The following MYOZ2 variants were observed in gnomAD, a reference collection of about 807,000 sequenced individuals.
MYOZ2 encodes myozenin-2.
MYOZ2 carries 19 observed loss-of-function variants against 25.4 expected under a neutral mutation model. The ratio of observed to expected loss-of-function variants is 0.75; its 90% CI spans 0.52 to 1.10. MYOZ2 has a LOEUF of 1.10. Among genes scored for constraint, MYOZ2 ranks in the 50% least tolerant of loss-of-function variants. The pLI, the probability that MYOZ2 is intolerant of heterozygous loss-of-function variation, is 0.00. For synonymous variants in MYOZ2, 92 were observed against 106.9 expected (o/e 0.86, Z 0.86); for missense variants, 270 against 317.9 (o/e 0.85, Z 1.15).
intron 3 of MYOZ2, among the ~76,000 whole-genome samples, chr4:119,155,903 A>T (rs971429830): frequency 6.6e-6 from 1 of 152,160 alleles, no homozygotes; most frequent in African/African-American, 2.4e-5. Flanking sequence ...AAAAAATGTC[A>T]TAGTGAAAAA....
intron 3 of MYOZ2, among the ~76,000 whole-genome samples, chr4:119,154,752 A>T (rs1741532076): frequency 1.3e-5 from 2 of 152,184 alleles, no homozygotes; most frequent in Admixed American, 1.3e-4. Context: ...TTTTTAAAGA[A>T]TTAGTATAGG....
At chr4:119,139,580 A>C (rs1741115275) in intron 2 of MYOZ2, among the ~76,000 whole-genome samples, 1 of 152,190 alleles carries the variant, frequency 6.6e-6, no homozygotes. Flanking sequence ...AAAGGATAAA[A>C]GGATAGGAAG....
chr4:119,168,683 AAACAACAACAACAAC>A (rs150292392), intron 5 of MYOZ2, among the ~76,000 whole-genome samples: 1 of 150,828 alleles, frequency 6.6e-6, no homozygotes, highest in South Asian at 2.1e-4. Flanking sequence ...AACAACAACA[AAACAACAACAACAAC>A]AACAACAACA....
intron 3 of MYOZ2, among the ~76,000 whole-genome samples, chr4:119,151,507 A>G (rs1450414091): frequency 6.6e-6 from 1 of 152,166 alleles, no homozygotes; most frequent in South Asian, 2.1e-4. Context: ...TTTATTCCAC[A>G]TTGTGTAGGG....
intron 3 of MYOZ2, among the ~76,000 whole-genome samples, chr4:119,156,154 G>A (rs1267126276): frequency 1.3e-5 from 2 of 151,952 alleles, no homozygotes; most frequent in African/African-American, 2.4e-5. Context: ...TTTATTGGAA[G>A]GGGAGGAAGA....
chr4:119,167,440 C>A, intron 5 of MYOZ2, among the ~76,000 whole-genome samples: 1 of 152,250 alleles, frequency 6.6e-6, no homozygotes, highest in Middle Eastern at 3.4e-3. Flanking sequence ...TGAGGAAAGA[C>A]GCCATCTTCT....
At chr4:119,147,271 T>C (rs2149220258) in intron 2 of MYOZ2, among the ~76,000 whole-genome samples, 1 of 151,636 alleles carries the variant, frequency 6.6e-6, no homozygotes, top group Non-Finnish European at 1.5e-5. Flanking sequence ...TGTTTTACAT[T>C]CCTGTTTTTT....
At chr4:119,158,293 G>A in intron 4 of MYOZ2, 142 bp downstream of exon 4, 1 of 1,167,290 alleles carries the variant, frequency 8.6e-7, no homozygotes, top group Non-Finnish European at 1.2e-6. Flanking sequence ...CAGGCACGGT[G>A]GCTCCCAATC....
At chr4:119,150,790 G>A in intron 2 of MYOZ2, 82 bp from the exon 3 acceptor site, 6 of 1,378,322 alleles carry the variant, frequency 4.4e-6, no homozygotes, top group Non-Finnish European at 6.1e-6. Context: ...AGAAAGTGGT[G>A]GAATTTTAGA....
chr4:119,178,120 T>C (rs1179364420), intron 5 of MYOZ2, among the ~76,000 whole-genome samples: 2 of 152,224 alleles, frequency 1.3e-5, no homozygotes, highest in African/African-American at 4.8e-5. Context: ...CACAGCAGTA[T>C]GTGAAATGGC....
chr4:119,176,712 G>A (rs1742079690), intron 5 of MYOZ2, among the ~76,000 whole-genome samples: 1 of 152,168 alleles, frequency 6.6e-6, no homozygotes, highest in African/African-American at 2.4e-5. Flanking sequence ...ATTTGAAAAA[G>A]AACTTTAAGA....
intron 2 of MYOZ2, among the ~76,000 whole-genome samples, chr4:119,148,421 T>C (rs1329668631): frequency 6.6e-6 from 1 of 152,166 alleles, no homozygotes; most frequent in Non-Finnish European, 1.5e-5. Flanking sequence ...CCGTGATTTC[T>C]TTAAGTACTT....
At chr4:119,164,069 G>A (rs1301213408) in intron 4 of MYOZ2, 142 bp from the exon 5 acceptor site, 1 of 756,878 alleles carries the variant, frequency 1.3e-6, no homozygotes, top group Non-Finnish European at 2.3e-6. Context: ...CTTGCAGACT[G>A]CTGTTTTCTA....
intron 2 of MYOZ2, among the ~76,000 whole-genome samples, chr4:119,141,574 A>G (rs1025024273): frequency 6.6e-6 from 1 of 151,948 alleles, no homozygotes; most frequent in African/African-American, 2.4e-5. Context: ...TAGTAGAGAC[A>G]TTTTGCCATG....
At chr4:119,175,945 C>A (rs1742063902) in intron 5 of MYOZ2, among the ~76,000 whole-genome samples, 1 of 152,100 alleles carries the variant, frequency 6.6e-6, no homozygotes, top group Non-Finnish European at 1.5e-5. Flanking sequence ...GGTAGCTTGT[C>A]TGGATCTTGA....
At position 119,186,113 on chromosome 4, in the gene MYOZ2, T is replaced by G. The variant is rs771991457; in HGVS notation, c.708T>G (p.Pro236=). ...LSGRRSFNRT[P]KGWISENIPI... ...GCAGACGGTCCTTTAATAGGACTCC[T>G]AAGGGATGGATATCTGAGAATATTC... Residue 236 remains proline (P), a synonymous_variant, in exon 6 of 6, where the codon CCT becomes CCG. Coordinates refer to ENST00000307128, the MANE Select transcript of MYOZ2 (RefSeq NM_016599.5). 6.2e-7 allele frequency: 1 copy of G among 1,614,008 alleles called. No individual in the cohort carries two copies. Among genetic ancestry groups the G allele is most frequent in the Non-Finnish European group, 8.5e-7 (1 of 1,179,928 alleles).
chr4:119,176,937 G>T (rs1376212913), intron 5 of MYOZ2, among the ~76,000 whole-genome samples: 2 of 152,158 alleles, frequency 1.3e-5, no homozygotes, highest in African/African-American at 4.8e-5. Context: ...GTTCTAACTA[G>T]TTCCCAGATG....
At chr4:119,145,698 T>C (rs1304614779) in intron 2 of MYOZ2, among the ~76,000 whole-genome samples, 3 of 152,154 alleles carry the variant, frequency 2.0e-5, no homozygotes, top group Non-Finnish European at 2.9e-5. Flanking sequence ...TGTCTTTCTC[T>C]GGCTTTGGTA....
At chr4:119,178,282 C>T (rs1347637544) in intron 5 of MYOZ2, among the ~76,000 whole-genome samples, 1 of 152,210 alleles carries the variant, frequency 6.6e-6, no homozygotes, top group Admixed American at 6.5e-5. Flanking sequence ...TACACCCATT[C>T]CAGGCTGTGA....
Sources: gnomAD v4.1 joint callset for allele counts (sites outside exome capture counted in the v4.1 genomes callset) on GRCh38, gnomAD v4.1.1 for gene constraint, MANE v1.5 for transcripts, NCBI Gene and HGNC (gene_info 2026-07-23, HGNC 2026-07-21) for gene names.